The following CILP2 variants were observed in gnomAD, a reference collection of about 807,000 sequenced individuals.
The protein encoded by CILP2 is cartilage intermediate layer protein 2.
CILP2 carries 38 observed loss-of-function variants against 45.6 expected under a neutral mutation model. The observed-to-expected ratio is 0.83, with a 90% CI of 0.64 to 1.09. CILP2 has a LOEUF of 1.09. CILP2 is among the 50% of genes least tolerant of loss of function. The pLI is 0.00. For synonymous variants in CILP2, 780 were observed against 723.5 expected, an observed-to-expected ratio of 1.08 and a Z score of -1.25; for missense variants, 1,735 against 1,662.2, an observed-to-expected ratio of 1.04 and a Z score of -0.76.
intron 1 of CILP2, among the ~76,000 whole-genome samples, chr19:19,539,180 GGGCAGCGCGCTGGAGGAGAGTGTAT>G (rs2061233572): frequency 6.6e-6 from 1 of 152,162 alleles, no homozygotes; most frequent in South Asian, 2.1e-4. Context: ...TGGTGGTCAT[GGGCAGCGCGCTGGAGGAGAGTGTAT>G]GGCAGCCCTT....
In CILP2 at chr19:19,544,967, C is replaced by A; in HGVS notation, c.2422C>A (p.Leu808Met). Residue 808 changes from leucine to methionine, a missense_variant, in exon 8 of 8, where the codon CTG becomes ATG. Physicochemically the swap from Leu to Met is conservative, Grantham distance 15. Transcript: ENST00000291495. ...CGACAGGCCAGACGCCTACACCGCC[C>A]TGGTCACCGCCACCCTGGGCGGCGA... The part of the protein sequence containing the change: ...DADRPDAYTA[L>M]VTATLGGEEL... 6.3e-7 allele frequency: 1 copy of A among 1,597,308 alleles called. No homozygotes were observed.
At position 19,545,382 on chromosome 19, in the gene CILP2, A is replaced by G; in HGVS notation, c.2837A>G (p.Gln946Arg). 6.2e-7 allele frequency: 1 copy of G among 1,612,514 alleles called. No individual in the cohort carries two copies. The change falls in exon 8 of 8, where the codon CAG (glutamine) becomes CGG (arginine). Residue 946 changes from glutamine to arginine, a missense_variant. Coordinates refer to ENST00000291495, the MANE Select transcript of CILP2 (RefSeq NM_153221.2). ...FRACFLKVKI[Q>R]GPQEYMVRSH... ...GCCTGCTTCCTCAAGGTGAAGATCC[A>G]GGGTCCCCAGGAGTATATGGTCCGC...
Position 19,538,276 on chromosome 19 carries a change from C to T in CILP2, c.-74C>T. 2 of 1,410,488 alleles carry T rather than the reference C, an allele frequency of 1.4e-6. No homozygotes were observed. The highest frequency in any genetic ancestry group is 1.5e-5 in the African/African-American group (1 of 67,860). 87.4% of individuals were successfully genotyped at this position (1,410,488 alleles called of 1,614,324 possible). On this transcript the variant is annotated 5_prime_UTR_variant, in exon 1 of 8. Coordinates refer to ENST00000291495, the MANE Select transcript of CILP2 (RefSeq NM_153221.2). ...CCGCCCCCACTCTCAGTCCCAGCGGCCGCCAGACCCGCCGGAGTTGGACCC... is the reference window on the plus strand; with the variant it reads ...CCGCCCCCACTCTCAGTCCCAGCGGTCGCCAGACCCGCCGGAGTTGGACCC...
rs1257882806 is a variant in CILP2 at position 19,538,367 on chromosome 19, A to G, written c.18A>G (p.Pro6=). The change falls in exon 1 of 8, where the codon CCA becomes CCG. Residue 6 remains proline (P), a synonymous_variant. Transcript: ENST00000291495. The part of the protein sequence containing the change: MASLL[P]LLCLCVVAAH... ...CCCCGGCCATGGCGTCGCTGCTGCCACTGCTCTGTCTCTGTGTCGTCGCTG... is the reference window on the plus strand; with the variant it reads ...CCCCGGCCATGGCGTCGCTGCTGCCGCTGCTCTGTCTCTGTGTCGTCGCTG... The G allele has an allele frequency of 6.3e-7, 1 of 1,580,574 alleles. No individual in the cohort carries two copies. The highest frequency in any genetic ancestry group is 8.5e-7 in the Non-Finnish European group (1 of 1,171,644).
chr19:19,545,124 G>GC lies in CILP2; in HGVS notation c.2580dup (p.Ile861HisfsTer10). 6.2e-7 allele frequency: 1 copy of GC among 1,611,798 alleles called. No homozygotes were observed. The highest frequency in any genetic ancestry group is 8.5e-7 in the Non-Finnish European group (1 of 1,179,662). ...CCCGCCTTCAAGCGTAACGGCTTCC[G>GC]CATCAACCTCGCCAAGCCCAGGCCA... On this transcript the variant is annotated frameshift_variant, in exon 8 of 8. Transcript: ENST00000291495. LOFTEE classifies it low-confidence loss of function (END_TRUNC).
chr19:19,543,103 G>A, intron 6 of CILP2, 131 bp downstream of exon 6: 1 of 1,008,152 alleles, frequency 9.9e-7, no homozygotes, highest in Non-Finnish European at 1.5e-6. Context: ...GTGGGAGAGG[G>A]ACTACCAAGG....
chr19:19,540,108 C>G (rs1260086838), intron 2 of CILP2, 96 bp from the exon 3 acceptor site: 4 of 1,392,752 alleles, frequency 2.9e-6, no homozygotes, highest in Non-Finnish European at 3.7e-6. Context: ...CGGTGCCCAC[C>G]GGGGGAGGGG....
rs1254400933 is a variant in CILP2 at position 19,545,045 on chromosome 19, G to A, written c.2500G>A (p.Val834Ile). ...CCGCCCACTCCCGGCCACCGTGGGC[G>A]TCACCCAGCCCTACCTGGACAGGCT... ...LPRPLPATVGVTQPYLDRLGY... is the reference protein window; with the variant it reads ...LPRPLPATVGITQPYLDRLGY... Residue 834 changes from valine to isoleucine, a missense_variant, in exon 8 of 8, where the codon GTC becomes ATC. Val to Ile is a conservative substitution (Grantham distance 29). Coordinates refer to ENST00000291495, the MANE Select transcript of CILP2 (RefSeq NM_153221.2). The A allele has an allele frequency of 1.9e-6, 3 of 1,608,242 alleles. No individual in the cohort carries two copies. Among genetic ancestry groups the A allele is most frequent in the African/African-American group, 2.7e-5 (2 of 75,006 alleles).
In CILP2 at chr19:19,545,307, C is replaced by A. The variant is rs755932026; in HGVS notation, c.2762C>A (p.Ser921Tyr). Residue 921 changes from serine to tyrosine, a missense_variant, in exon 8 of 8, where the codon TCC (serine) becomes TAC (tyrosine). Ser to Tyr is a moderately radical substitution (Grantham distance 144). Transcript: ENST00000291495. ...VVPFREGTPA[S>Y]WTGDLLAWWP... ...CCCTTCCGAGAGGGCACACCTGCCT[C>A]CTGGACTGGCGATCTCCTGGCCTGG... The A allele has an allele frequency of 8.7e-6, 14 of 1,612,830 alleles. No homozygotes were observed. Among genetic ancestry groups the A allele is most frequent in the Non-Finnish European group, 1.2e-5 (14 of 1,179,904 alleles).
At chr19:19,542,128 C>T (rs1415999197) in intron 4 of CILP2, among the ~76,000 whole-genome samples, 2 of 152,190 alleles carry the variant, frequency 1.3e-5, no homozygotes, top group African/African-American at 4.8e-5. Context: ...TCTCCTGTCC[C>T]CTCCTATAGG....
At chr19:19,543,109 C>A in intron 6 of CILP2, 137 bp downstream of exon 6, 3 of 1,045,618 alleles carry the variant, frequency 2.9e-6, no homozygotes, top group Non-Finnish European at 2.9e-6. Flanking sequence ...GAGGGACTAC[C>A]AAGGAGGCTG....
chr19:19,544,715 C>A lies in CILP2; in HGVS notation c.2170C>A (p.Arg724=). Residue 724 remains arginine, a synonymous_variant, in exon 8 of 8, where the codon CGG becomes AGG. Coordinates refer to ENST00000291495, the MANE Select transcript of CILP2 (RefSeq NM_153221.2). ...GGTGGGCAACGTGGAGATCCGGGAG[C>A]GGCGCCTGTTCAATCTGGACGTGCC... ...FLVGNVEIRE[R]RLFNLDVPER... is the part of the protein sequence containing the mutation. The A allele has an allele frequency of 1.3e-6, 2 of 1,593,062 alleles. No homozygotes were observed. Among genetic ancestry groups the A allele is most frequent in the Non-Finnish European group, 1.7e-6 (2 of 1,174,358 alleles).
chr19:19,545,250 T>A lies in CILP2; in HGVS notation c.2705T>A (p.Val902Glu). The stretch of plus-strand genomic sequence containing the variant: ...GCCAGCCACTTCCGCTTCGCCAGGG[T>A]GGAGGCGGACAAGTACGAGTACAAC... Reference protein sequence around the residue: ...VTASHFRFARVEADKYEYNVV... With the variant: ...VTASHFRFAREEADKYEYNVV... The change falls in exon 8 of 8, where the codon GTG becomes GAG. Residue 902 changes from valine to glutamate, a missense_variant. Coordinates refer to ENST00000291495, the MANE Select transcript of CILP2 (RefSeq NM_153221.2). 1 of 1,612,354 alleles carries A rather than the reference T, an allele frequency of 6.2e-7. No individual in the cohort carries two copies. The highest frequency in any genetic ancestry group is 2.2e-5 in the East Asian group (1 of 44,836).
chr19:19,541,071 T>C lies in CILP2; in HGVS notation c.437-20T>C. The C allele has an allele frequency of 8.0e-7, 1 of 1,253,404 alleles. No homozygotes were observed. Among genetic ancestry groups the C allele is most frequent in the Non-Finnish European group, 1.0e-6 (1 of 998,904 alleles). The allele number at this position is 1,253,404 out of a possible 1,614,324, so 77.6% of individuals were successfully genotyped here. A position where few individuals can be genotyped will look rare whatever the true frequency, so the allele number is the denominator to read the frequency against. On this transcript the variant is annotated intron_variant, in intron 3 of 7. Coordinates refer to ENST00000291495, the MANE Select transcript of CILP2 (RefSeq NM_153221.2). ...TCCTGGGGAGGGCGGCCACCTGATCTCCGTCCCTGCCTTCCGCAGAAGCCT... is the reference window on the plus strand; with the variant it reads ...TCCTGGGGAGGGCGGCCACCTGATCCCCGTCCCTGCCTTCCGCAGAAGCCT...
Position 19,542,961 on chromosome 19 carries a change from G to T in CILP2, c.966G>T (p.Lys322Asn), listed in dbSNP as rs769379948. The change falls in exon 6 of 8, where the codon AAG (lysine) becomes AAT (asparagine). Residue 322 changes from lysine (K) to asparagine (N), a missense_variant. Coordinates refer to ENST00000291495, the MANE Select transcript of CILP2 (RefSeq NM_153221.2). ...AAGCCTCCGGGACCCCCATGCCCAA[G>T]AAATACTCCTGGTGAGCGCCCGCCC... ...CCKASGTPMPKKYSWFHNGTL... is the reference protein window; with the variant it reads ...CCKASGTPMPNKYSWFHNGTL... 6.2e-7 allele frequency: 1 copy of T among 1,610,780 alleles called. No homozygotes were observed. Among genetic ancestry groups the T allele is most frequent in the African/African-American group, 1.3e-5 (1 of 74,878 alleles).
Position 19,543,928 on chromosome 19 carries a change from A to G in CILP2, c.1383A>G (p.Ala461=), listed in dbSNP as rs1169014966. The G allele has an allele frequency of 6.2e-7, 1 of 1,613,632 alleles. No individual in the cohort carries two copies. Residue 461 remains alanine, a synonymous_variant, in exon 8 of 8, where the codon GCA becomes GCG. Transcript: ENST00000291495. The stretch of plus-strand genomic sequence containing the variant: ...ACGTCCTCCCAGTGAAGGTGGTGGC[A>G]GAGTGTGGCTGCCAGAAGTGTCTGC... ...PGYVLPVKVV[A]ECGCQKCLPP... is the part of the protein sequence containing the mutation.
intron 1 of CILP2, among the ~76,000 whole-genome samples, chr19:19,539,037 C>T (rs1250189486): frequency 6.6e-6 from 1 of 152,224 alleles, no homozygotes; most frequent in Non-Finnish European, 1.5e-5. Context: ...GCCAGCTGAA[C>T]TTGATTGATC....
chr19:19,541,273 G>A (rs371576708), intron 4 of CILP2, 27 bp downstream of exon 4: 85 of 1,280,298 alleles, frequency 6.6e-5, no homozygotes, highest in Admixed American at 1.0e-4. Flanking sequence ...CTGGAGGCTG[G>A]GACCTGTACA....
Position 19,545,730 on chromosome 19 carries a change from A to G in CILP2, c.3185A>G (p.Tyr1062Cys). ...LDPLGHNYGVYTVTDQSPRLA... is the reference protein window; with the variant it reads ...LDPLGHNYGVCTVTDQSPRLA... Reference sequence around the variant, plus strand: ...CCTCTGGGCCACAACTATGGCGTCTACACTGTCACTGACCAGAGCCCACGC... The same window carrying G: ...CCTCTGGGCCACAACTATGGCGTCTGCACTGTCACTGACCAGAGCCCACGC... The change falls in exon 8 of 8, where the codon TAC becomes TGC. Residue 1062 changes from tyrosine to cysteine, a missense_variant. Tyr to Cys is a radical substitution (Grantham distance 194). Transcript: ENST00000291495. The G allele has an allele frequency of 6.2e-7, 1 of 1,613,256 alleles. No homozygotes were observed. The highest frequency in any genetic ancestry group is 8.5e-7 in the Non-Finnish European group (1 of 1,179,824).
Sources: allele counts gnomAD v4.1 joint callset (sites outside exome capture counted in the v4.1 genomes callset), GRCh38; gene constraint gnomAD v4.1.1; transcripts MANE v1.5; gene names NCBI Gene and HGNC (gene_info 2026-07-23, HGNC 2026-07-21).